Variants in STXBP5L observed in about 807,000 individuals in gnomAD.
STXBP5L encodes the protein syntaxin-binding protein 5-like.
A neutral mutation model predicts 144.5 loss-of-function variants in STXBP5L; 65 were observed. The observed-to-expected ratio is 0.45, with a 90% CI of 0.37 to 0.55. The LOEUF (loss-of-function observed/expected upper bound fraction) is 0.55. Ranked by LOEUF, STXBP5L falls within the 20% of genes least tolerant of loss-of-function variation. The pLI is 0.00. For missense variants in STXBP5L, 1,298 were observed against 1,405.5 expected, an observed-to-expected ratio of 0.92 and a Z score of 1.22; for synonymous variants, 505 against 469.6, an observed-to-expected ratio of 1.08 and a Z score of -0.97.
At position 121,422,983 on chromosome 3, in the gene STXBP5L, G is replaced by A. The variant is rs2047385113; in HGVS notation, c.*3886G>A. On this transcript the variant is annotated 3_prime_UTR_variant, in exon 27 of 27. Coordinates refer to ENST00000471454, the MANE Select transcript of STXBP5L (RefSeq NM_001308330.2). ...TAAAATAGATTCTTATATTCAAGCA[G>A]AAGGGAAAAATGAAGCCAATCTAGA... 6.6e-6 allele frequency: 1 copy of A among 152,042 alleles called. No homozygotes were observed. The highest frequency in any genetic ancestry group is 2.4e-5 in the African/African-American group (1 of 41,402). The allele number at this position is 152,042 out of a possible 1,614,324, so 9.4% of individuals were successfully genotyped here.
At chr3:120,963,033 A>G (rs184678407) in intron 3 of STXBP5L, among the ~76,000 whole-genome samples, 2 of 152,230 alleles carry the variant, frequency 1.3e-5, no homozygotes, top group East Asian at 3.9e-4. Context: ...TTCTCTTTGT[A>G]GCCGTTGTAA....
Position 121,285,068 on chromosome 3 carries a change from C to T in STXBP5L, c.2110+5112C>T, listed in dbSNP as rs114384686. Among the ~76,000 whole-genome samples the T allele has an allele frequency of 4.0e-3, 608 of 152,128 alleles. 1 individual carries two copies. The highest frequency in any genetic ancestry group is 0.013 in the African/African-American group (560 of 41,530). ...TCACTTTATTATAGTAGACACTGCT[C>T]AGCCTTTTCATTAATTGCTTACTAA... On this transcript the variant is annotated intron_variant, in intron 19 of 26. Transcript: ENST00000471454.
intron 20 of STXBP5L, among the ~76,000 whole-genome samples, chr3:121,358,557 G>A (rs1035422491): frequency 1.7e-4 from 26 of 152,062 alleles, no homozygotes; most frequent in African/African-American, 6.3e-4. Context: ...GGGGGATTGT[G>A]CCAAACCATT....
At chr3:121,256,574 A>G (rs1273612229) in intron 16 of STXBP5L, among the ~76,000 whole-genome samples, 1 of 151,926 alleles carries the variant, frequency 6.6e-6, no homozygotes, top group Admixed American at 6.6e-5. Context: ...AAGCCAAGGT[A>G]ATGAAATAAA....
At chr3:121,374,412 A>C (rs2046122316) in intron 20 of STXBP5L, among the ~76,000 whole-genome samples, 1 of 152,182 alleles carries the variant, frequency 6.6e-6, no homozygotes, top group Admixed American at 6.5e-5. Context: ...TCAAGAAAAC[A>C]TGATACCTCC....
intron 20 of STXBP5L, among the ~76,000 whole-genome samples, chr3:121,359,830 T>A (rs1404514808): frequency 2.0e-5 from 3 of 151,766 alleles, no homozygotes; most frequent in Non-Finnish European, 2.9e-5. Flanking sequence ...GCCAGTACCA[T>A]GCTATTTTGG....
At chr3:121,174,404 T>A (rs1405660866) in intron 9 of STXBP5L, among the ~76,000 whole-genome samples, 2 of 152,136 alleles carry the variant, frequency 1.3e-5, no homozygotes, top group East Asian at 3.9e-4. Context: ...CTGCCTGTTT[T>A]TTCAGATTGT....
At chr3:121,416,078 C>T (rs369305135) in intron 25 of STXBP5L, 110 bp downstream of exon 25, 8 of 774,088 alleles carry the variant, frequency 1.0e-5, no homozygotes, top group East Asian at 2.8e-5. Context: ...TTCTAGACTA[C>T]GTATTTTTTG....
At chr3:121,068,460 T>A (rs1201699282) in intron 5 of STXBP5L, among the ~76,000 whole-genome samples, 1 of 152,158 alleles carries the variant, frequency 6.6e-6, no homozygotes. Context: ...TTTTTCTCTA[T>A]ATGACATTAA....
chr3:121,287,128 C>T (rs1411914910), intron 19 of STXBP5L, among the ~76,000 whole-genome samples: 1 of 152,144 alleles, frequency 6.6e-6, no homozygotes, highest in Non-Finnish European at 1.5e-5. Flanking sequence ...AAACAGTGCC[C>T]AACACTCAAA....
intron 19 of STXBP5L, among the ~76,000 whole-genome samples, chr3:121,295,494 T>C (rs1243352244): frequency 1.3e-5 from 2 of 152,200 alleles, no homozygotes; most frequent in African/African-American, 4.8e-5. Flanking sequence ...TCAACTACTT[T>C]GAATTGTAAT....
At chr3:121,022,336 A>T (rs1419615637) in intron 3 of STXBP5L, among the ~76,000 whole-genome samples, 1 of 152,188 alleles carries the variant, frequency 6.6e-6, no homozygotes, top group Non-Finnish European at 1.5e-5. Flanking sequence ...TAACAGCTGT[A>T]TTCTATGAGA....
At chr3:121,191,164 G>A (rs558822819) in intron 9 of STXBP5L, among the ~76,000 whole-genome samples, 5 of 152,256 alleles carry the variant, frequency 3.3e-5, no homozygotes, top group East Asian at 3.9e-4. Context: ...CTGCAATCTC[G>A]GCACTTTGGG....
chr3:120,995,518 G>T (rs569182739), intron 3 of STXBP5L, among the ~76,000 whole-genome samples: 2 of 151,496 alleles, frequency 1.3e-5, no homozygotes, highest in East Asian at 3.9e-4. Context: ...CATTTTTAAT[G>T]ATTTAATGTT....
chr3:121,280,268 G>C (rs1188629655), intron 19 of STXBP5L, among the ~76,000 whole-genome samples: 1 of 151,464 alleles, frequency 6.6e-6, no homozygotes, highest in African/African-American at 2.4e-5. Flanking sequence ...TGAAAATTAG[G>C]GCTCTGTAGT....
intron 3 of STXBP5L, among the ~76,000 whole-genome samples, chr3:120,999,990 A>T (rs1473764439): frequency 6.6e-6 from 1 of 152,132 alleles, no homozygotes; most frequent in Non-Finnish European, 1.5e-5. Context: ...TGTTAGCCTG[A>T]TGGGGCTCCC....
chr3:121,112,612 G>A (rs983588653), intron 5 of STXBP5L, among the ~76,000 whole-genome samples: 3 of 151,790 alleles, frequency 2.0e-5, no homozygotes, highest in African/African-American at 7.3e-5. Flanking sequence ...AATCATCTTG[G>A]TCCCTCCCGG....
At position 121,123,344 on chromosome 3, in the gene STXBP5L, A is replaced by G. The variant is rs981322300; in HGVS notation, c.669+1640A>G. ...CCTAGAAAATTCATTTCCGATATCT[A>G]TACTGTTTATGTGACTAATGGTGCA... is the stretch of plus-strand genomic sequence containing the variant. On this transcript the variant is annotated intron_variant, in intron 7 of 26. Coordinates refer to ENST00000471454, the MANE Select transcript of STXBP5L (RefSeq NM_001308330.2). Among the ~76,000 whole-genome samples, 14 of 151,786 alleles carry G rather than the reference A, an allele frequency of 9.2e-5. No individual in the cohort carries two copies. The East Asian group carries it at 2.5e-3, about 27-fold the overall frequency.
At chr3:120,957,485 G>A (rs1018266274) in intron 3 of STXBP5L, among the ~76,000 whole-genome samples, 16 of 151,978 alleles carry the variant, frequency 1.1e-4, no homozygotes, top group Non-Finnish European at 2.2e-4. Context: ...GGTTTATCGA[G>A]GATATTGGCT....
Sources: gnomAD v4.1 joint callset for allele counts (sites outside exome capture counted in the v4.1 genomes callset) on GRCh38, gnomAD v4.1.1 for gene constraint, MANE v1.5 for transcripts, NCBI Gene and HGNC (gene_info 2026-07-23, HGNC 2026-07-21) for gene names.